Variants in PCDH11X observed in about 807,000 individuals in gnomAD.
PCDH11X encodes the protein protocadherin-11 X-linked.
Under a neutral mutation model 53.3 loss-of-function variants are expected in PCDH11X, and 18 were observed. That is an observed-to-expected ratio of 0.34 (90% CI 0.23 to 0.50). The LOEUF (loss-of-function observed/expected upper bound fraction) is 0.50. Among genes scored for constraint, PCDH11X ranks in the 20% least tolerant of loss-of-function variants. The pLI is 0.98. For synonymous variants in PCDH11X, 279 were observed against 393.3 expected, an observed-to-expected ratio of 0.71 and a Z score of 3.44; for missense variants, 570 against 1,032.4, an observed-to-expected ratio of 0.55 and a Z score of 6.14.
intron 6 of PCDH11X, among the ~76,000 whole-genome samples, chrX:92,163,254 C>T (rs1304928975): frequency 5.4e-5 from 6 of 110,403 alleles, no homozygotes; most frequent in South Asian, 4.0e-4. Flanking sequence ...TTGCCCCAGG[C>T]TACCAGCCTC....
At chrX:92,023,380 A>G in intron 6 of PCDH11X, among the ~76,000 whole-genome samples, 1 of 109,333 alleles carries the variant, frequency 9.1e-6, no homozygotes, top group South Asian at 4.1e-4. Context: ...AGAATACTAT[A>G]AATACTTCTA....
intron 6 of PCDH11X, among the ~76,000 whole-genome samples, chrX:92,148,612 C>T (rs1449934786): frequency 9.2e-6 from 1 of 108,848 alleles, no homozygotes; most frequent in Admixed American, 1.0e-4. Flanking sequence ...AGCGTAGGCA[C>T]ATCTAGGCTT....
chrX:92,140,203 T>C (rs1005083793), intron 6 of PCDH11X, among the ~76,000 whole-genome samples: 3 of 111,309 alleles, frequency 2.7e-5, no homozygotes, highest in African/African-American at 9.7e-5. Context: ...TGAATGTGTA[T>C]ACATATATAT....
intron 6 of PCDH11X, among the ~76,000 whole-genome samples, chrX:92,061,554 A>T (rs1188548000): frequency 2.8e-5 from 3 of 108,387 alleles, no homozygotes; most frequent in Non-Finnish European, 5.7e-5. Flanking sequence ...TTGAATAGGG[A>T]GTCCTTTCTC....
rs199528501 is a variant in PCDH11X, at chrX:92,525,301, T to C, written c.3367+56979T>C. Among the ~76,000 whole-genome samples, 13 of 111,218 alleles carry C rather than the reference T, an allele frequency of 1.2e-4. No individual in the cohort carries two copies. In the East Asian group the frequency reaches 3.4e-3, roughly 29 times the overall value. The stretch of plus-strand genomic sequence containing the variant: ...AAATAATTCAATGTTTTTGCAAAAG[T>C]GATACTGCATGAAATTACCAAAGTA... On this transcript the variant is annotated intron_variant, in intron 10 of 10. Coordinates refer to ENST00000682573, the MANE Select transcript of PCDH11X (RefSeq NM_032968.5).
Position 91,895,274 on chromosome X carries a change from G to A in PCDH11X, c.3033+16001G>A, listed in dbSNP as rs540601777. ...TAAAGTTTATTTAACCACATAAGCT[G>A]CTATTCTGAAAATACATTTTTCACA... On this transcript the variant is annotated intron_variant, in intron 6 of 10. Coordinates refer to ENST00000682573, the MANE Select transcript of PCDH11X (RefSeq NM_032968.5). Among the ~76,000 whole-genome samples the A allele has an allele frequency of 1.3e-3, 149 of 111,236 alleles. 3 individuals carry two copies. The South Asian group carries it at 0.056, about 42-fold the overall frequency.
chrX:92,263,112 A>T lies in PCDH11X; in HGVS notation c.3115-2A>T. On this transcript the variant is annotated splice_acceptor_variant, in intron 7 of 10. Transcript: ENST00000682573. LOFTEE classifies it high-confidence loss of function. Reference sequence around the variant, plus strand: ...CCTTGCCTCCATTTTATCCTAAATCAGCGGAAATCTGAAGGGAAAGTGGCA... The same window carrying T: ...CCTTGCCTCCATTTTATCCTAAATCTGCGGAAATCTGAAGGGAAAGTGGCA... 1 of 1,185,816 alleles carries T rather than the reference A, an allele frequency of 8.4e-7. No individual in the cohort carries two copies. The highest frequency in any genetic ancestry group is 1.1e-6 in the Non-Finnish European group (1 of 879,877).
chrX:92,148,806 A>ACG (rs1481150041), intron 6 of PCDH11X, among the ~76,000 whole-genome samples: 16 of 108,081 alleles, frequency 1.5e-4, no homozygotes, highest in African/African-American at 4.7e-4. Context: ...ACACACACAC[A>ACG]CATAAATGTT....
At chrX:92,161,597 C>T (rs1463956292) in intron 6 of PCDH11X, among the ~76,000 whole-genome samples, 1 of 108,750 alleles carries the variant, frequency 9.2e-6, no homozygotes, top group Non-Finnish European at 1.9e-5. Flanking sequence ...CTCAATTAGT[C>T]CCCCAAATAT....
At chrX:92,393,090 C>G (rs1186773522) in intron 9 of PCDH11X, among the ~76,000 whole-genome samples, 2 of 109,785 alleles carry the variant, frequency 1.8e-5, no homozygotes, top group African/African-American at 6.6e-5. Flanking sequence ...GCATTTTTGA[C>G]GAAAGTCACA....
chrX:91,956,067 G>A (rs2061705532), intron 6 of PCDH11X, among the ~76,000 whole-genome samples: 1 of 109,918 alleles, frequency 9.1e-6, no homozygotes, highest in Non-Finnish European at 1.9e-5. Context: ...TTAGAGACTA[G>A]GATTGCAACC....
intron 10 of PCDH11X, among the ~76,000 whole-genome samples, chrX:92,580,901 A>G (rs189665564): frequency 0.032 from 3,558 of 110,474 alleles, 160 homozygotes; most frequent in African/African-American, 0.11. Context: ...TGGGTGGGCC[A>G]TTGCTCAACC....
chrX:92,138,918 A>G (rs758247882), intron 6 of PCDH11X, among the ~76,000 whole-genome samples: 3 of 109,865 alleles, frequency 2.7e-5, no homozygotes, highest in Non-Finnish European at 5.7e-5. Flanking sequence ...CCTTCCATCA[A>G]CATTATGTTT....
chrX:92,273,106 G>C (rs1456753861), intron 8 of PCDH11X, among the ~76,000 whole-genome samples: 1 of 111,828 alleles, frequency 8.9e-6, no homozygotes, highest in Non-Finnish European at 1.9e-5. Context: ...CATGTGAAGA[G>C]ACCACCAAAC....
intron 1 of PCDH11X, chrX:91,797,963 G>T (rs1935794209): frequency 9.0e-6 from 1 of 111,602 alleles, no homozygotes; most frequent in African/African-American, 3.3e-5. Flanking sequence ...AGATGCATTT[G>T]CTTGATAAGT....
chrX:92,412,000 GGAA>G (rs201700241), intron 9 of PCDH11X, among the ~76,000 whole-genome samples: 19,139 of 52,735 alleles, frequency 0.36, 4,553 homozygotes, highest in African/African-American at 0.56. Context: ...GGGAGGAGGA[GGAA>G]GAAGAAGAAG....
At chrX:91,891,932 T>A (rs5942088) in intron 6 of PCDH11X, among the ~76,000 whole-genome samples, 13,485 of 82,911 alleles carry the variant, frequency 0.16, 1,411 homozygotes, top group Admixed American at 0.35. Context: ...TATCAGGGTT[T>A]AAAAAAAAAA....
chrX:92,472,871 T>A (rs2073296817), intron 10 of PCDH11X, among the ~76,000 whole-genome samples: 1 of 110,760 alleles, frequency 9.0e-6, no homozygotes. Flanking sequence ...GGTATTTTAT[T>A]CTTTTTGTGG....
At chrX:92,357,201 C>A (rs1318818693) in intron 8 of PCDH11X, among the ~76,000 whole-genome samples, 1 of 110,390 alleles carries the variant, frequency 9.1e-6, no homozygotes, top group Non-Finnish European at 1.9e-5. Flanking sequence ...ATTTAAATTC[C>A]TGATTTCTCC....
Sources: gnomAD v4.1 joint callset for allele counts (sites outside exome capture counted in the v4.1 genomes callset) on GRCh38, gnomAD v4.1.1 for gene constraint, MANE v1.5 for transcripts, NCBI Gene and HGNC (gene_info 2026-07-23, HGNC 2026-07-21) for gene names.